The following ACOXL variants were observed in gnomAD, a reference collection of about 807,000 sequenced individuals.
ACOXL encodes the protein acyl-coenzyme A oxidase-like protein.
ACOXL carries 70 observed loss-of-function variants against 71.9 expected under a neutral mutation model. That is an observed-to-expected ratio of 0.97 (90% CI 0.80 to 1.19). The LOEUF (loss-of-function observed/expected upper bound fraction) is 1.19, where lower values mean the gene tolerates loss of function less well. ACOXL is among the 50% of genes most tolerant of loss of function. ACOXL has a pLI of 0.00. For synonymous variants in ACOXL, 253 were observed against 281.6 expected (o/e 0.90, Z 1.02); for missense variants, 703 against 736.3 (o/e 0.95, Z 0.52).
At chr2:110,826,448 A>T (rs1237119884) in intron 9 of ACOXL, among the ~76,000 whole-genome samples, 2 of 152,190 alleles carry the variant, frequency 1.3e-5, no homozygotes, top group Non-Finnish European at 1.5e-5. Flanking sequence ...CTCAGAGTTG[A>T]TGGGCTTAGG....
rs988107762 is a variant in ACOXL at position 111,028,191 on chromosome 2, A to AAAAT, written c.1282-3418_1282-3415dup. ...GTGACAGGAGTGAGACCCTGTCTCA[A>AAAAT]AAATAAATAAATAAATAAATATTTC... On this transcript the variant is annotated intron_variant, in intron 14 of 17. Coordinates refer to ENST00000439055, the MANE Select transcript of ACOXL (RefSeq NM_001142807.4). 3.9e-5 allele frequency among the ~76,000 whole-genome samples: 6 copies of AAAAT among 152,120 alleles called. No individual in the cohort carries two copies. In the East Asian group the frequency reaches 5.8e-4, roughly 15 times the overall value.
chr2:110,863,176 A>C (rs987813971), intron 10 of ACOXL, among the ~76,000 whole-genome samples: 2 of 152,250 alleles, frequency 1.3e-5, no homozygotes, highest in African/African-American at 4.8e-5. Context: ...CATAATATAC[A>C]AAATTGGAAA....
intron 10 of ACOXL, among the ~76,000 whole-genome samples, chr2:110,861,521 C>T (rs1289115988): frequency 1.3e-5 from 2 of 152,128 alleles, no homozygotes; most frequent in East Asian, 3.9e-4. Flanking sequence ...CACTTCCCCT[C>T]ACATAGGTTC....
intron 14 of ACOXL, among the ~76,000 whole-genome samples, chr2:111,017,202 G>A (rs2064493686): frequency 6.6e-6 from 1 of 152,222 alleles, no homozygotes; most frequent in South Asian, 2.1e-4. Flanking sequence ...GTATTGGGGT[G>A]TGCAGAAATG....
At chr2:110,828,469 A>G (rs1411583030) in intron 9 of ACOXL, among the ~76,000 whole-genome samples, 2 of 152,226 alleles carry the variant, frequency 1.3e-5, no homozygotes. Flanking sequence ...TTGTAATGCC[A>G]ACAATAGTCT....
At chr2:110,939,268 C>A (rs1248653608) in intron 12 of ACOXL, among the ~76,000 whole-genome samples, 2 of 152,050 alleles carry the variant, frequency 1.3e-5, no homozygotes, top group Admixed American at 6.6e-5. Context: ...TTATCAATTA[C>A]AAAAGTAATA....
intron 10 of ACOXL, among the ~76,000 whole-genome samples, chr2:110,852,354 G>GGCT (rs1692720274): frequency 6.6e-6 from 1 of 152,046 alleles, no homozygotes; most frequent in South Asian, 2.1e-4. Flanking sequence ...GCGCGTGGGG[G>GGCT]CCCTGGCTCC....
At chr2:111,036,212 G>A (rs1407391131) in intron 15 of ACOXL, among the ~76,000 whole-genome samples, 1 of 152,148 alleles carries the variant, frequency 6.6e-6, no homozygotes, top group Non-Finnish European at 1.5e-5. Context: ...AGAGTGGGAG[G>A]ACCAGAGGTG....
chr2:110,932,430 T>A (rs1421346819), intron 11 of ACOXL, among the ~76,000 whole-genome samples: 2 of 152,204 alleles, frequency 1.3e-5, no homozygotes, highest in East Asian at 3.8e-4. Flanking sequence ...GGGAAGAAGA[T>A]AAGTTGTTTA....
chr2:111,045,415 A>G (rs994317128), intron 15 of ACOXL, among the ~76,000 whole-genome samples: 2 of 152,186 alleles, frequency 1.3e-5, no homozygotes. Flanking sequence ...ACCTGTTCTC[A>G]TAGTGAGTGA....
At position 110,795,603 on chromosome 2, in the gene ACOXL, C is replaced by G. The variant is rs1039392033; in HGVS notation, c.345+1429C>G. On this transcript the variant is annotated intron_variant, in intron 5 of 17. Transcript: ENST00000439055. ...TGTCCCTACTTTACAGATGGGGAAA[C>G]AGAGGCTCACGGAGGTTAAGCAGCT... 2.0e-5 allele frequency: 3 copies of G among 152,206 alleles called. 1 individual carries two copies. The South Asian group carries it at 6.2e-4, about 31-fold the overall frequency. The allele number at this position is 152,206 out of a possible 1,614,324, so 9.4% of individuals were successfully genotyped here. A position where few individuals can be genotyped will look rare whatever the true frequency, so the allele number is the denominator to read the frequency against.
intron 10 of ACOXL, among the ~76,000 whole-genome samples, chr2:110,877,376 G>A (rs1441796487): frequency 6.6e-6 from 1 of 152,218 alleles, no homozygotes; most frequent in African/African-American, 2.4e-5. Flanking sequence ...AGCAGACCAA[G>A]CTTCTGCTGC....
rs138545356 is a variant in ACOXL at position 110,888,586 on chromosome 2, A to T, written c.789-20203A>T. On this transcript the variant is annotated intron_variant, in intron 10 of 17. Transcript: ENST00000439055. ...CTAATAGGGCCCATATTCTCATAGGATACTGCACGAATGTCCTTCTGATTT... is the reference window on the plus strand; with the variant it reads ...CTAATAGGGCCCATATTCTCATAGGTTACTGCACGAATGTCCTTCTGATTT... 3.5e-4 allele frequency among the ~76,000 whole-genome samples: 53 copies of T among 152,310 alleles called. 1 individual carries two copies. Among genetic ancestry groups the T allele is most frequent in the Non-Finnish European group, 7.4e-5 (5 of 68,026 alleles).
At chr2:110,800,465 A>G (rs772128527) in intron 7 of ACOXL, among the ~76,000 whole-genome samples, 11 of 152,214 alleles carry the variant, frequency 7.2e-5, no homozygotes, top group Non-Finnish European at 1.6e-4. Flanking sequence ...CTATCTTCAA[A>G]TAAGGTCACA....
chr2:110,812,004 T>TG (rs1426657474), intron 9 of ACOXL, among the ~76,000 whole-genome samples: 1 of 152,174 alleles, frequency 6.6e-6, no homozygotes, highest in Non-Finnish European at 1.5e-5. Flanking sequence ...ATGTAAGAAG[T>TG]GGGGAGGTTT....
At chr2:110,757,156 G>A (rs190613159) in intron 1 of ACOXL, among the ~76,000 whole-genome samples, 11 of 152,216 alleles carry the variant, frequency 7.2e-5, no homozygotes, top group Admixed American at 4.6e-4. Context: ...TGCTGTTTTG[G>A]TTTTCCATTC....
intron 14 of ACOXL, among the ~76,000 whole-genome samples, chr2:110,996,267 G>A (rs906866689): frequency 1.3e-5 from 2 of 152,246 alleles, no homozygotes; most frequent in East Asian, 1.9e-4. Flanking sequence ...GATGAGTGGT[G>A]TAATTTTCAG....
chr2:110,762,891 G>A (rs1219060665), intron 1 of ACOXL, among the ~76,000 whole-genome samples: 1 of 152,078 alleles, frequency 6.6e-6, no homozygotes, highest in South Asian at 2.1e-4. Flanking sequence ...TCCTGGGCTC[G>A]AGCAATCTGC....
intron 14 of ACOXL, 29 bp from the exon 15 acceptor site, chr2:111,031,598 T>C (rs1359488300): frequency 1.3e-6 from 2 of 1,599,922 alleles, no homozygotes; most frequent in Admixed American, 1.7e-5. Context: ...ATATCCTCAA[T>C]GGTGATTTTT....
Sources: allele counts gnomAD v4.1 joint callset (sites outside exome capture counted in the v4.1 genomes callset), GRCh38; gene constraint gnomAD v4.1.1; transcripts MANE v1.5; gene names NCBI Gene and HGNC (gene_info 2026-07-23, HGNC 2026-07-21).